The following RTTN variants were observed in gnomAD, a reference collection of about 807,000 sequenced individuals.
The protein encoded by RTTN is rotatin.
Under a neutral mutation model 269.2 loss-of-function variants are expected in RTTN, and 182 were observed. That is an observed-to-expected ratio of 0.68 (90% CI 0.60 to 0.76). The LOEUF (loss-of-function observed/expected upper bound fraction) is 0.76, where lower values mean the gene tolerates loss of function less well. RTTN is among the 30% of genes least tolerant of loss of function. RTTN has a pLI of 0.00. For synonymous variants in RTTN, 1,006 were observed against 963.5 expected, an observed-to-expected ratio of 1.04 and a Z score of -0.82; for missense variants, 2,545 against 2,608.6, an observed-to-expected ratio of 0.98 and a Z score of 0.53.
At chr18:70,039,167 G>A (rs1169073611) in intron 40 of RTTN, among the ~76,000 whole-genome samples, 1 of 152,010 alleles carries the variant, frequency 6.6e-6, no homozygotes, top group Non-Finnish European at 1.5e-5. Flanking sequence ...TAATATCAGA[G>A]AACTTACAAA....
At chr18:70,043,989 G>A (rs1013182817) in intron 40 of RTTN, among the ~76,000 whole-genome samples, 2 of 152,152 alleles carry the variant, frequency 1.3e-5, no homozygotes, top group Non-Finnish European at 2.9e-5. Context: ...AAATCAAGAC[G>A]ATATACAGAG....
At position 70,193,387 on chromosome 18, in the gene RTTN, T is replaced by C. The variant is rs755689100; in HGVS notation, c.908A>G (p.Asn303Ser). ...HEARGTHHSQNPSPGSSSPRP... is the reference protein window; with the variant it reads ...HEARGTHHSQSPSPGSSSPRP... ...AGGGCTGCTGCTTCCTGGGGAAGGA[T>C]TCTGGGAATGATGAGTACCTCTTGC... The change falls in exon 8 of 49, where the codon AAT (asparagine) becomes AGT (serine). Residue 303 changes from asparagine (N) to serine (S), a missense_variant. Coordinates refer to ENST00000640769, the MANE Select transcript of RTTN (RefSeq NM_173630.4). 3 of 1,608,254 alleles carry C rather than the reference T, an allele frequency of 1.9e-6. No individual in the cohort carries two copies. The highest frequency in any genetic ancestry group is 1.7e-6 in the Non-Finnish European group (2 of 1,177,626).
At chr18:70,172,057 T>G (rs1423899370) in intron 11 of RTTN, among the ~76,000 whole-genome samples, 1 of 152,200 alleles carries the variant, frequency 6.6e-6, no homozygotes. Context: ...GCTCTGTGCT[T>G]CTGCTTCCAG....
chr18:70,190,785 C>T (rs2061652804), intron 8 of RTTN, 66 bp from the exon 9 acceptor site: 2 of 1,134,804 alleles, frequency 1.8e-6, no homozygotes, highest in South Asian at 1.4e-5. Context: ...TACTGCATAT[C>T]TGCTGCCTCG....
intron 46 of RTTN, among the ~76,000 whole-genome samples, chr18:70,012,998 T>C (rs1244670457): frequency 6.6e-6 from 1 of 152,222 alleles, no homozygotes; most frequent in African/African-American, 2.4e-5. Flanking sequence ...ACTGGAAATG[T>C]GCATCAGGAC....
chr18:70,094,391 T>C (rs1425600897), intron 28 of RTTN, among the ~76,000 whole-genome samples: 1 of 152,204 alleles, frequency 6.6e-6, no homozygotes, highest in Non-Finnish European at 1.5e-5. Flanking sequence ...ATTGTGATGT[T>C]AGGGTGTCGA....
chr18:70,150,660 G>A lies in RTTN; in HGVS notation c.2003C>T (p.Pro668Leu). 2 of 1,611,964 alleles carry A rather than the reference G, an allele frequency of 1.2e-6. No homozygotes were observed. The highest frequency in any genetic ancestry group is 1.7e-6 in the Non-Finnish European group (2 of 1,178,392). The stretch of plus-strand genomic sequence containing the variant: ...TACAGAGATTTCATACAGAACTTTT[G>A]GATGAAGTAGAAAATGAATTCCATT... ...LCNGIHFLLH[P>L]KVLYEISVFG... Residue 668 changes from proline (P) to leucine (L), a missense_variant, in exon 15 of 49, where the codon CCA (proline) becomes CTA (leucine). Transcript: ENST00000640769.
chr18:70,162,019 A>C lies in RTTN; in HGVS notation c.1929+4043T>G, dbSNP rs181981103. 2.1e-3 allele frequency among the ~76,000 whole-genome samples: 319 copies of C among 152,260 alleles called. 1 individual carries two copies. The highest frequency in any genetic ancestry group is 3.9e-3 in the Non-Finnish European group (264 of 68,002). ...CAATCCCTTACTGGGTATAGACCCA[A>C]AAAAATATAAATCTTTCTACCAGAA... On this transcript the variant is annotated intron_variant, in intron 14 of 48. Transcript: ENST00000640769.
intron 14 of RTTN, among the ~76,000 whole-genome samples, chr18:70,161,886 C>T (rs975477848): frequency 6.6e-6 from 1 of 151,988 alleles, no homozygotes; most frequent in Non-Finnish European, 1.5e-5. Context: ...GAACACAGTA[C>T]TATAAGCCCT....
chr18:70,047,839 AT>A (rs202176756), intron 40 of RTTN, 131 bp downstream of exon 40: 24,572 of 724,620 alleles, frequency 0.034, 522 homozygotes, highest in Non-Finnish European at 0.045. Flanking sequence ...CTTTTGTATC[AT>A]TTAAACAGTC....
intron 28 of RTTN, among the ~76,000 whole-genome samples, chr18:70,098,050 C>CA (rs1342254059): frequency 1.3e-4 from 8 of 59,456 alleles, no homozygotes; most frequent in Non-Finnish European, 5.9e-4. Context: ...AATCACATGA[C>CA]AAAAAATGCT....
Position 70,054,137 on chromosome 18 carries a change from C to T in RTTN, c.5179G>A (p.Val1727Ile), listed in dbSNP as rs1007320579. Residue 1727 changes from valine to isoleucine, a missense_variant, in exon 38 of 49, where the codon GTA becomes ATA. Val to Ile is a conservative substitution (Grantham distance 29, BLOSUM62 3). Transcript: ENST00000640769. ...IGILTICTKD[V>I]LDKELISAFY... ...CTAAAACAATTAAGCTTACCTAATA[C>T]ATCTTTGGTACATATGGTGAGAATT... 1.9e-6 allele frequency: 3 copies of T among 1,611,466 alleles called. No individual in the cohort carries two copies. Among genetic ancestry groups the T allele is most frequent in the African/African-American group, 2.7e-5 (2 of 74,966 alleles).
chr18:70,102,687 C>G (rs1435916649), intron 28 of RTTN, among the ~76,000 whole-genome samples: 1 of 152,168 alleles, frequency 6.6e-6, no homozygotes, highest in Admixed American at 6.5e-5. Context: ...TACAAGTTGG[C>G]ATGTTTTTGC....
chr18:70,205,499 T>C (rs2062055430), intron 1 of RTTN, 129 bp downstream of exon 1: 1 of 1,389,970 alleles, frequency 7.2e-7, no homozygotes. Flanking sequence ...CCGGGGGCTA[T>C]CCTGACAAAG....
chr18:70,087,340 A>G (rs969431216), intron 31 of RTTN, among the ~76,000 whole-genome samples: 1 of 152,314 alleles, frequency 6.6e-6, no homozygotes, highest in East Asian at 1.9e-4. Context: ...GAAAAGCTTT[A>G]AAGTTGATAA....
Position 70,092,223 on chromosome 18 carries a change from A to G in RTTN, c.4033-3T>C, listed in dbSNP as rs1270193437. ...AAGAACCAAAGTGACATCCACTCCT[A>G]GAGGGAAAAAAGGGAAACAGAAATA... On this transcript the variant is annotated splice_polypyrimidine_tract_variant and splice_region_variant and intron_variant, in intron 29 of 48. Transcript: ENST00000640769. The G allele has an allele frequency of 1.3e-6, 2 of 1,560,272 alleles. No homozygotes were observed. The highest frequency in any genetic ancestry group is 8.8e-7 in the Non-Finnish European group (1 of 1,132,406).
intron 34 of RTTN, among the ~76,000 whole-genome samples, chr18:70,066,506 C>T (rs1206317869): frequency 1.3e-5 from 2 of 152,054 alleles, no homozygotes; most frequent in Non-Finnish European, 2.9e-5. Context: ...ATGAGCAGAC[C>T]GACCTTCTAA....
At chr18:70,042,726 T>G (rs1201895697) in intron 40 of RTTN, among the ~76,000 whole-genome samples, 1 of 152,340 alleles carries the variant, frequency 6.6e-6, no homozygotes, top group East Asian at 1.9e-4. Context: ...GAACAGACTA[T>G]GGCTTCTAAA....
In RTTN at chr18:70,109,796, G is replaced by T. The variant is rs920582505; in HGVS notation, c.3684-79C>A. On this transcript the variant is annotated intron_variant, in intron 27 of 48. Transcript: ENST00000640769. ...TGGGCTATCTTACTGGCTATAAAAG[G>T]TTACTTAAACTCATAGTAATAGAAA... 4.6e-5 allele frequency: 53 copies of T among 1,148,382 alleles called. No individual in the cohort carries two copies. The African/African-American group carries it at 7.4e-4, about 16-fold the overall frequency. The allele number at this position is 1,148,382 out of a possible 1,614,324, so 71.1% of individuals were successfully genotyped here.
Sources: allele counts gnomAD v4.1 joint callset (sites outside exome capture counted in the v4.1 genomes callset), GRCh38; gene constraint gnomAD v4.1.1; transcripts MANE v1.5; gene names NCBI Gene and HGNC (gene_info 2026-07-23, HGNC 2026-07-21).